RASSF3: variants seen among roughly 807,000 people sequenced by gnomAD.
RASSF3 encodes Ras association domain family member 3, also known as ras association domain-containing protein 3.
A neutral mutation model predicts 19.9 loss-of-function variants in RASSF3; 19 were observed. That is an observed-to-expected ratio of 0.96 (90% confidence interval 0.67 to 1.40). The LOEUF is 1.40. Among genes scored for constraint, RASSF3 ranks in the 40% most tolerant of loss-of-function variants. The probability of loss-of-function intolerance (pLI) is 0.00; values close to 1 mark genes in which losing one functional copy is unlikely to be tolerated. For missense variants in RASSF3, 306 were observed against 289.8 expected (o/e 1.06, Z -0.41); for synonymous variants, 110 against 104.2 (o/e 1.06, Z -0.34).
chr12:64,609,176 C>G (rs1361843108), upstream of RASSF3, among the ~76,000 whole-genome samples: 5 of 152,094 alleles, frequency 3.3e-5, no homozygotes, highest in Non-Finnish European at 7.3e-5. Context: ...CACAAAAGAG[C>G]ACGGCTGACC....
chr12:64,690,639 C>T (rs1287581866), intron 3 of RASSF3, among the ~76,000 whole-genome samples: 1 of 151,596 alleles, frequency 6.6e-6, no homozygotes, highest in African/African-American at 2.4e-5. Context: ...TTATGCCTGG[C>T]TAGTTAGAAA....
chr12:64,669,000 G>A (rs1217532902), intron 1 of RASSF3, among the ~76,000 whole-genome samples: 2 of 152,098 alleles, frequency 1.3e-5, no homozygotes, highest in Non-Finnish European at 2.9e-5. Flanking sequence ...AAAAAAAATT[G>A]TTCCTAAGGA....
intron 2 of RASSF3, among the ~76,000 whole-genome samples, chr12:64,553,703 G>C (rs2136122280): frequency 6.6e-6 from 1 of 152,246 alleles, no homozygotes; most frequent in Middle Eastern, 3.4e-3. Flanking sequence ...TGGACTGAGT[G>C]CAGTGGCTCA....
At chr12:64,552,985 T>C (rs921316976) in intron 2 of RASSF3, among the ~76,000 whole-genome samples, 43 of 152,024 alleles carry the variant, frequency 2.8e-4, no homozygotes, top group Admixed American at 2.6e-3. Context: ...CCAAGGCGGG[T>C]GGATCACGAG....
intron 2 of RASSF3, among the ~76,000 whole-genome samples, chr12:64,597,750 C>T (rs937967775): frequency 2.6e-5 from 4 of 152,078 alleles, no homozygotes; most frequent in African/African-American, 9.7e-5. Flanking sequence ...GCGCCAACCA[C>T]ACCTAGCCTA....
chr12:64,624,682 C>T (rs58682797), intron 1 of RASSF3, among the ~76,000 whole-genome samples: 5 of 149,912 alleles, frequency 3.3e-5, no homozygotes, highest in African/African-American at 7.6e-5. Flanking sequence ...TTTCTTGAGA[C>T]GGAGTCTTGC....
At chr12:64,590,304 A>G (rs916777326) in intron 2 of RASSF3, among the ~76,000 whole-genome samples, 4 of 152,098 alleles carry the variant, frequency 2.6e-5, no homozygotes, top group Admixed American at 6.6e-5. Context: ...TTAAATGAAC[A>G]TTAACTTATA....
At position 64,695,082 on chromosome 12, in the gene RASSF3, G is replaced by T. The variant is rs560839984; in HGVS notation, c.*170G>T. On this transcript the variant is annotated 3_prime_UTR_variant, in exon 5 of 5. Coordinates refer to ENST00000542104, the MANE Select transcript of RASSF3 (RefSeq NM_178169.4). Reference sequence around the variant, plus strand: ...GTCACACAGCATCCTGCACCTTAGCGTCCCATGTAAGGGACTCTGCAAGCT... The same window carrying T: ...GTCACACAGCATCCTGCACCTTAGCTTCCCATGTAAGGGACTCTGCAAGCT... 6.0e-6 allele frequency: 4 copies of T among 665,314 alleles called. No homozygotes were observed. Among genetic ancestry groups the T allele is most frequent in the Non-Finnish European group, 9.9e-6 (4 of 402,162 alleles). The allele number at this position is 665,314 out of a possible 1,614,324, so 41.2% of individuals were successfully genotyped here.
intron 1 of RASSF3, among the ~76,000 whole-genome samples, chr12:64,534,396 G>A (rs1029683702): frequency 6.6e-6 from 1 of 152,146 alleles, no homozygotes; most frequent in Admixed American, 6.5e-5. Flanking sequence ...TCGGGAGGCT[G>A]AGGTGAGAAG....
intron 1 of RASSF3, among the ~76,000 whole-genome samples, chr12:64,643,337 TACTC>T (rs774664086): frequency 2.0e-5 from 3 of 152,112 alleles, no homozygotes; most frequent in Non-Finnish European, 2.9e-5. Flanking sequence ...GATGCACAGA[TACTC>T]ACAACATTTT....
intron 1 of RASSF3, among the ~76,000 whole-genome samples, chr12:64,659,458 A>G (rs747715959): frequency 1.3e-5 from 2 of 152,160 alleles, no homozygotes; most frequent in Non-Finnish European, 2.9e-5. Context: ...GCATACTCCA[A>G]AAAGTTGGCT....
intron 1 of RASSF3, among the ~76,000 whole-genome samples, chr12:64,681,006 C>G (rs930466771): frequency 6.6e-6 from 1 of 152,128 alleles, no homozygotes; most frequent in Non-Finnish European, 1.5e-5. Flanking sequence ...GAAAATTTCT[C>G]TTTCCAGACT....
chr12:64,644,520 AC>A (rs1450219613), intron 1 of RASSF3, among the ~76,000 whole-genome samples: 1 of 151,828 alleles, frequency 6.6e-6, no homozygotes, highest in Non-Finnish European at 1.5e-5. Context: ...ACATGGAGAA[AC>A]CCCATCTCCG....
chr12:64,580,873 C>T (rs1465775475), intron 2 of RASSF3, among the ~76,000 whole-genome samples: 3 of 152,056 alleles, frequency 2.0e-5, no homozygotes, highest in Admixed American at 2.0e-4. Flanking sequence ...TCCTACTGAC[C>T]TCATCTTAAC....
At chr12:64,658,660 G>A (rs567688615) in intron 1 of RASSF3, among the ~76,000 whole-genome samples, 1 of 152,202 alleles carries the variant, frequency 6.6e-6, no homozygotes, top group African/African-American at 2.4e-5. Flanking sequence ...AATTATCCAA[G>A]TATGGTGGCA....
intron 1 of RASSF3, among the ~76,000 whole-genome samples, chr12:64,660,860 A>T (rs1214218682): frequency 6.6e-6 from 1 of 152,044 alleles, no homozygotes; most frequent in Admixed American, 6.6e-5. Context: ...TTGAATTTGG[A>T]GGATTTGGCG....
chr12:64,631,476 G>A (rs1273821095), intron 1 of RASSF3, among the ~76,000 whole-genome samples: 1 of 152,158 alleles, frequency 6.6e-6, no homozygotes, highest in South Asian at 2.1e-4. Flanking sequence ...AGAGGATGGT[G>A]TAGTAAAATG....
At chr12:64,542,856 G>A (rs1868956979), downstream of RASSF3, among the ~76,000 whole-genome samples, 1 of 152,196 alleles carries the variant, frequency 6.6e-6, no homozygotes, top group Non-Finnish European at 1.5e-5. Flanking sequence ...TCAGCCCGCC[G>A]CTGCACTGTG....
chr12:64,587,353 G>A (rs958274581), intron 2 of RASSF3, among the ~76,000 whole-genome samples: 2 of 152,042 alleles, frequency 1.3e-5, no homozygotes, highest in African/African-American at 4.8e-5. Context: ...CACTGTGCCC[G>A]GCCTCCTCTC....
Sources: gnomAD v4.1 joint callset for allele counts (sites outside exome capture counted in the v4.1 genomes callset) on GRCh38, gnomAD v4.1.1 for gene constraint, MANE v1.5 for transcripts, NCBI Gene and HGNC (gene_info 2026-07-23, HGNC 2026-07-21) for gene names.